The following CUEDC1 variants were observed in gnomAD, a reference collection of about 807,000 sequenced individuals.
The protein encoded by CUEDC1 is CUE domain-containing protein 1.
In CUEDC1, 30 loss-of-function variants were observed where a neutral mutation model predicts 43.7. The ratio of observed to expected loss-of-function variants is 0.69; its 90% CI spans 0.51 to 0.93. CUEDC1 has a LOEUF of 0.93. CUEDC1 is among the 40% of genes least tolerant of loss of function. The pLI, the probability that CUEDC1 is intolerant of heterozygous loss-of-function variation, is 0.00. For missense variants in CUEDC1, 486 were observed against 549.0 expected (o/e 0.89, Z 1.15); for synonymous variants, 223 against 223.6 (o/e 1.00, Z 0.02).
At position 57,873,666 on chromosome 17, in the gene CUEDC1, G is replaced by C; in HGVS notation, c.516C>G (p.Asn172Lys). The stretch of plus-strand genomic sequence containing the variant: ...GGTTGCCCAGCAGTGGTGGGTTCCA[G>C]TTCCGATAGCGTCTCTGGCTTGTAG... ...GAPTSQRRYR[N>K]WNPPLLGNLP... Residue 172 changes from asparagine to lysine, a missense_variant, in exon 4 of 11, where the codon AAC becomes AAG. Physicochemically the swap from Asn to Lys is moderately conservative, Grantham distance 94 (BLOSUM62 0). Coordinates refer to ENST00000577830, the MANE Select transcript of CUEDC1 (RefSeq NM_001271875.2). 6.2e-7 allele frequency: 1 copy of C among 1,605,832 alleles called. No homozygotes were observed. Among genetic ancestry groups the C allele is most frequent in the Non-Finnish European group, 8.5e-7 (1 of 1,176,074 alleles).
chr17:57,880,676 C>T (rs1343520395), intron 2 of CUEDC1, among the ~76,000 whole-genome samples: 1 of 152,218 alleles, frequency 6.6e-6, no homozygotes, highest in Non-Finnish European at 1.5e-5. Context: ...TCTGACCCTC[C>T]AGTTCTGGCA....
chr17:57,869,791 C>G (rs2074010495), intron 6 of CUEDC1: 1 of 152,924 alleles, frequency 6.5e-6, no homozygotes, highest in Non-Finnish European at 1.5e-5. Flanking sequence ...ACCCCACCGG[C>G]CACCCAGAGT....
At chr17:57,931,125 CA>C (rs565680299) in intron 1 of CUEDC1, among the ~76,000 whole-genome samples, 123 of 152,006 alleles carry the variant, frequency 8.1e-4, no homozygotes, top group Non-Finnish European at 1.5e-3. Flanking sequence ...AGGGTCTCTA[CA>C]AAAAATACAA....
At chr17:57,888,202 A>G (rs2144975131) in intron 1 of CUEDC1, among the ~76,000 whole-genome samples, 1 of 152,236 alleles carries the variant, frequency 6.6e-6, no homozygotes, top group East Asian at 1.9e-4. Context: ...TGCGCCCGGC[A>G]TTATTTTTTC....
chr17:57,867,172 T>G (rs1490456220), intron 9 of CUEDC1, 185 bp downstream of exon 9: 12 of 630,272 alleles, frequency 1.9e-5, no homozygotes, highest in Admixed American at 2.4e-5. Context: ...TTTCAGGGGT[T>G]GCAGAAAGGG....
chr17:57,926,901 C>T lies in CUEDC1; in HGVS notation c.-316+28324G>A, dbSNP rs554352026. 1.2e-4 allele frequency among the ~76,000 whole-genome samples: 18 copies of T among 151,990 alleles called. No individual in the cohort carries two copies. In the South Asian group the frequency reaches 3.5e-3, roughly 30 times the overall value. On this transcript the variant is annotated intron_variant, in intron 1 of 10. Coordinates refer to ENST00000577830, the MANE Select transcript of CUEDC1 (RefSeq NM_001271875.2). Reference sequence around the variant, plus strand: ...CCACACCGGGCCTCTTGGACCAAAGCGGGAAAGGAATGACTCAGACAGGGA... The same window carrying T: ...CCACACCGGGCCTCTTGGACCAAAGTGGGAAAGGAATGACTCAGACAGGGA...
At chr17:57,938,723 C>T (rs921296628) in intron 1 of CUEDC1, among the ~76,000 whole-genome samples, 7 of 151,816 alleles carry the variant, frequency 4.6e-5, no homozygotes, top group African/African-American at 1.5e-4. Flanking sequence ...AGTGCAGTGG[C>T]GCTATCTCAG....
intron 1 of CUEDC1, among the ~76,000 whole-genome samples, chr17:57,925,585 G>A (rs969055721): frequency 1.3e-5 from 2 of 152,296 alleles, no homozygotes; most frequent in East Asian, 1.9e-4. Flanking sequence ...GACAGCTGCC[G>A]CTGCAGGGTC....
At chr17:57,937,100 T>C (rs1567723934) in intron 1 of CUEDC1, among the ~76,000 whole-genome samples, 2 of 151,996 alleles carry the variant, frequency 1.3e-5, no homozygotes. Flanking sequence ...ATTACAGGTG[T>C]GAGCCACCGC....
At chr17:57,863,582 C>T (rs2073912320) in intron 10 of CUEDC1, among the ~76,000 whole-genome samples, 1 of 152,082 alleles carries the variant, frequency 6.6e-6, no homozygotes, top group Admixed American at 6.5e-5. Context: ...TGGGAGGGTA[C>T]CTGGCCCATT....
At chr17:57,929,197 G>A (rs1037382987) in intron 1 of CUEDC1, among the ~76,000 whole-genome samples, 2 of 152,102 alleles carry the variant, frequency 1.3e-5, no homozygotes, top group Admixed American at 6.5e-5. Flanking sequence ...TGTGTGCTGG[G>A]CTCTTAACGA....
intron 1 of CUEDC1, among the ~76,000 whole-genome samples, chr17:57,936,538 C>T (rs2074863213): frequency 6.6e-6 from 1 of 152,188 alleles, no homozygotes; most frequent in South Asian, 2.1e-4. Context: ...AGGTTCAACA[C>T]ATCTTGAGGC....
At chr17:57,942,172 G>A (rs1347100440) in intron 1 of CUEDC1, among the ~76,000 whole-genome samples, 2 of 152,162 alleles carry the variant, frequency 1.3e-5, no homozygotes, top group Non-Finnish European at 2.9e-5. Context: ...CAAACTCAGA[G>A]AAGGGCCCGG....
Position 57,909,783 on chromosome 17 carries a change from G to A in CUEDC1, c.-315-23904C>T, listed in dbSNP as rs147460211. ...CTCCCCTGTTCCCTGTCCTGAGTGT[G>A]CAAATGCAAAACTGCCTCCTTGGGC... On this transcript the variant is annotated intron_variant, in intron 1 of 10. Coordinates refer to ENST00000577830, the MANE Select transcript of CUEDC1 (RefSeq NM_001271875.2). Among the ~76,000 whole-genome samples the A allele has an allele frequency of 4.2e-3, 642 of 152,340 alleles. 3 individuals carry two copies. Among genetic ancestry groups the A allele is most frequent in the Middle Eastern group, 0.02 (6 of 294 alleles).
intron 1 of CUEDC1, among the ~76,000 whole-genome samples, chr17:57,925,347 G>A (rs73995405): frequency 6.6e-6 from 1 of 152,034 alleles, no homozygotes; most frequent in Non-Finnish European, 1.5e-5. Flanking sequence ...AGGCAGCCCC[G>A]AGCAATGAGA....
chr17:57,918,800 G>A (rs910374099), intron 1 of CUEDC1, among the ~76,000 whole-genome samples: 1 of 152,184 alleles, frequency 6.6e-6, no homozygotes, highest in Non-Finnish European at 1.5e-5. Context: ...CAATAGGCCT[G>A]GAAATACATT....
intron 1 of CUEDC1, among the ~76,000 whole-genome samples, chr17:57,950,963 A>G (rs1169885525): frequency 6.6e-6 from 1 of 152,040 alleles, no homozygotes; most frequent in East Asian, 1.9e-4. Context: ...AAAAGGAAAA[A>G]GAGTTGGTTC....
chr17:57,923,250 C>T (rs2074714659), intron 1 of CUEDC1, among the ~76,000 whole-genome samples: 1 of 152,180 alleles, frequency 6.6e-6, no homozygotes. Context: ...AATCTCTGTC[C>T]AGCCAGGCTA....
intron 1 of CUEDC1, among the ~76,000 whole-genome samples, chr17:57,913,171 C>CA (rs937906057): frequency 6.6e-6 from 1 of 151,902 alleles, no homozygotes; most frequent in Non-Finnish European, 1.5e-5. Flanking sequence ...ACTAAAAATA[C>CA]AAAAAAATTA....
Sources: gnomAD v4.1 joint callset for allele counts (sites outside exome capture counted in the v4.1 genomes callset) on GRCh38, gnomAD v4.1.1 for gene constraint, MANE v1.5 for transcripts, NCBI Gene and HGNC (gene_info 2026-07-23, HGNC 2026-07-21) for gene names.